Variants in USP46 observed in about 807,000 individuals in gnomAD.
The protein encoded by USP46 is ubiquitin carboxyl-terminal hydrolase 46.
Under a neutral mutation model 44.4 loss-of-function variants are expected in USP46, and 12 were observed. That is an observed-to-expected ratio of 0.27 (90% CI 0.17 to 0.44). The LOEUF (loss-of-function observed/expected upper bound fraction) is 0.44. Ranked by LOEUF, USP46 falls within the 20% of genes least tolerant of loss-of-function variation. The pLI, the probability that USP46 is intolerant of heterozygous loss-of-function variation, is 1.00. For missense variants in USP46, 248 were observed against 444.8 expected (o/e 0.56, Z 3.98); for synonymous variants, 155 against 161.5 (o/e 0.96, Z 0.31).
intron 4 of USP46, among the ~76,000 whole-genome samples, chr4:52,617,834 A>AGCT (rs966322708): frequency 1.3e-5 from 2 of 152,296 alleles, no homozygotes; most frequent in Admixed American, 6.5e-5. Flanking sequence ...CTGAAAATAC[A>AGCT]GCTTGTCTCC....
At chr4:52,601,788 T>A in intron 7 of USP46, 69 bp downstream of exon 7, 12 of 1,507,560 alleles carry the variant, frequency 8.0e-6, no homozygotes, top group Non-Finnish European at 1.1e-5. Context: ...AAGGTGCAGC[T>A]GGGTATACTT....
chr4:52,603,908 C>T (rs1038792216), intron 6 of USP46, among the ~76,000 whole-genome samples: 2 of 152,280 alleles, frequency 1.3e-5, no homozygotes, highest in South Asian at 4.1e-4. Flanking sequence ...TGGTCTCAAA[C>T]TCCTGACCTC....
chr4:52,632,994 G>GAAA (rs1228732494), intron 1 of USP46, among the ~76,000 whole-genome samples: 1 of 91,324 alleles, frequency 1.1e-5, no homozygotes, highest in Admixed American at 1.0e-4. Flanking sequence ...GAAAAGAAAA[G>GAAA]AAAGAAAGAA....
At chr4:52,610,140 G>A (rs997579954) in intron 5 of USP46, among the ~76,000 whole-genome samples, 6 of 150,914 alleles carry the variant, frequency 4.0e-5, no homozygotes, top group African/African-American at 1.5e-4. Flanking sequence ...TAGCCAGGAT[G>A]GTCTCGATCT....
At chr4:52,626,469 A>C (rs574649336) in intron 3 of USP46, among the ~76,000 whole-genome samples, 5 of 152,080 alleles carry the variant, frequency 3.3e-5, no homozygotes, top group Non-Finnish European at 1.5e-5. Context: ...CTACAGGTGC[A>C]TGCCACCACA....
At chr4:52,646,476 T>G (rs1480729890) in intron 1 of USP46, among the ~76,000 whole-genome samples, 1 of 152,220 alleles carries the variant, frequency 6.6e-6, no homozygotes, top group African/African-American at 2.4e-5. Context: ...TGTTATTTAC[T>G]CAAAACTCTC....
Position 52,602,039 on chromosome 4 carries a change from C to T in USP46, c.738G>A (p.Lys246=), listed in dbSNP as rs1385004211. 1.9e-6 allele frequency: 3 copies of T among 1,611,786 alleles called. No individual in the cohort carries two copies. The highest frequency in any genetic ancestry group is 2.2e-5 in the South Asian group (2 of 90,676). The change falls in exon 7 of 9, where the codon AAG becomes AAA. Residue 246 remains lysine, a synonymous_variant. Transcript: ENST00000441222. ...GGTGCAGGGCCAAGATCATGGGCAGCTTTTTTACCCTCATCCTAAGAAACC... is the reference window on the plus strand; with the variant it reads ...GGTGCAGGGCCAAGATCATGGGCAGTTTTTTTACCCTCATCCTAAGAAACC... The part of the protein sequence containing the change: ...QEAQKRMRVK[K]LPMILALHLK...
At chr4:52,651,803 G>T (rs1718778685) in intron 1 of USP46, among the ~76,000 whole-genome samples, 2 of 152,132 alleles carry the variant, frequency 1.3e-5, no homozygotes, top group South Asian at 4.1e-4. Context: ...AGCAAATGTG[G>T]CTTGAACAAG....
intron 4 of USP46, among the ~76,000 whole-genome samples, chr4:52,621,240 CAATA>C (rs1056776001): frequency 6.6e-6 from 1 of 152,054 alleles, no homozygotes; most frequent in Non-Finnish European, 1.5e-5. Context: ...CCAATCTCAG[CAATA>C]AATATAGTGG....
intron 4 of USP46, among the ~76,000 whole-genome samples, chr4:52,612,439 G>T (rs1716970979): frequency 6.6e-6 from 1 of 152,196 alleles, no homozygotes; most frequent in Non-Finnish European, 1.5e-5. Flanking sequence ...ATCAAGAGGT[G>T]ATTATGTTTT....
In USP46 at chr4:52,659,227, C is replaced by A; in HGVS notation, c.-77G>T. The A allele has an allele frequency of 2.4e-6, 3 of 1,255,848 alleles. No homozygotes were observed. The highest frequency in any genetic ancestry group is 3.1e-6 in the Non-Finnish European group (3 of 970,906). 77.8% of individuals were successfully genotyped at this position (1,255,848 alleles called of 1,614,324 possible). A position where few individuals can be genotyped will look rare whatever the true frequency, so the allele number is the denominator to read the frequency against. On this transcript the variant is annotated 5_prime_UTR_variant, in exon 1 of 9. Transcript: ENST00000441222. The surrounding 1 kb of genome is among the most constrained non-coding windows in gnomAD (Gnocchi z 4.2). ...GGGACTGCCCATGGTGGCGCGCTGG[C>A]GGGGAGGCCGGGCGGCAGCGCGGCG...
At chr4:52,618,204 T>G (rs1717239789) in intron 4 of USP46, among the ~76,000 whole-genome samples, 1 of 151,138 alleles carries the variant, frequency 6.6e-6, no homozygotes, top group South Asian at 2.1e-4. Flanking sequence ...GGCAACATAG[T>G]GAGGCCCAGA....
rs375021775 is a variant in USP46 at position 52,632,980 on chromosome 4, G to GAAAAAGAAAGAAAGA, written c.37-1837_37-1836insTCTTTCTTTCTTTTT. On this transcript the variant is annotated intron_variant, in intron 1 of 8. Coordinates refer to ENST00000441222, the MANE Select transcript of USP46 (RefSeq NM_022832.4). ...AGAAAGAAAGAAAGAAAGAAAGAAAGAAAGAAAAGAAAAGAAAGAAAGAAA... is the reference window on the plus strand; with the variant it reads ...AGAAAGAAAGAAAGAAAGAAAGAAAGAAAAAGAAAGAAAGAAAAGAAAAGAAAAGAAAGAAAGAAA... 7.0e-5 allele frequency among the ~76,000 whole-genome samples: 5 copies of GAAAAAGAAAGAAAGA among 71,486 alleles called. No homozygotes were observed. The South Asian group carries it at 2.0e-3, about 28-fold the overall frequency. The allele number at this position is 71,486 out of a possible 152,430, so 46.9% of individuals were successfully genotyped here. A position where few individuals can be genotyped will look rare whatever the true frequency, so the allele number is the denominator to read the frequency against.
intron 1 of USP46, among the ~76,000 whole-genome samples, chr4:52,633,233 C>T (rs188271327): frequency 3.3e-5 from 5 of 152,296 alleles, no homozygotes; most frequent in Admixed American, 3.3e-4. Context: ...ACACAGCCTC[C>T]CCTCATCATA....
At position 52,597,109 on chromosome 4, in the gene USP46, T is replaced by C. The variant is rs529122007; in HGVS notation, c.*531A>G. The C allele has an allele frequency of 9.9e-4, 152 of 153,720 alleles. No individual in the cohort carries two copies. The South Asian group carries it at 0.03, about 30-fold the overall frequency. 9.5% of individuals were successfully genotyped at this position (153,720 alleles called of 1,614,324 possible). A position where few individuals can be genotyped will look rare whatever the true frequency, so the allele number is the denominator to read the frequency against. On this transcript the variant is annotated 3_prime_UTR_variant, in exon 9 of 9. Coordinates refer to ENST00000441222, the MANE Select transcript of USP46 (RefSeq NM_022832.4). Reference sequence around the variant, plus strand: ...AGGATGATTTTAATATCGAGGTTACTCACTTTTCAACATTTTCACTTGCAC... The same window carrying C: ...AGGATGATTTTAATATCGAGGTTACCCACTTTTCAACATTTTCACTTGCAC...
chr4:52,633,006 G>GAAAGAAAGAAAGA (rs1717972574), intron 1 of USP46, among the ~76,000 whole-genome samples: 2 of 118,986 alleles, frequency 1.7e-5, no homozygotes, highest in East Asian at 2.5e-4. Flanking sequence ...AAGAAAGAAA[G>GAAAGAAAGAAAGA]AAAGAAAGAA....
At chr4:52,602,090 A>G in intron 6 of USP46, 36 bp from the exon 7 acceptor site, 1 of 1,590,312 alleles carries the variant, frequency 6.3e-7, no homozygotes, top group Non-Finnish European at 8.6e-7. Flanking sequence ...AGTTGTACCC[A>G]ACACCTATTA....
intron 1 of USP46, chr4:52,656,352 C>A (rs1264082742): frequency 1.8e-5 from 27 of 1,524,772 alleles, no homozygotes; most frequent in Non-Finnish European, 2.1e-5. Flanking sequence ...TTAATATTTA[C>A]GTCTGATCCA....
chr4:52,632,980 G>GAAAGAAAGAAAGAAAGAAAGAAAGAAAGA (rs1553891291), intron 1 of USP46, among the ~76,000 whole-genome samples: 154 of 71,330 alleles, frequency 2.2e-3, no homozygotes, highest in South Asian at 5.5e-3. Context: ...AAGAAAGAAA[G>GAAAGAAAGAAAGAAAGAAAGAAAGAAAGA]AAAGAAAAGA....
Sources: gnomAD v4.1 joint callset for allele counts (sites outside exome capture counted in the v4.1 genomes callset) on GRCh38, gnomAD v4.1.1 for gene constraint, Gnocchi (gnomAD v3.1) non-coding constraint, MANE v1.5 for transcripts, NCBI Gene and HGNC (gene_info 2026-07-23, HGNC 2026-07-21) for gene names.